Variants in TRIO observed in about 807,000 individuals in gnomAD.
TRIO encodes the protein triple functional domain protein.
A neutral mutation model predicts 351.9 loss-of-function variants in TRIO; 58 were observed. The observed-to-expected ratio is 0.16, with a 90% CI of 0.13 to 0.21. The LOEUF (loss-of-function observed/expected upper bound fraction) is 0.21. Among genes scored for constraint, TRIO ranks in the 10% least tolerant of loss-of-function variants. The pLI is 1.00. For missense variants in TRIO, 3,201 were observed against 4,027.8 expected, an observed-to-expected ratio of 0.79 and a Z score of 5.56; for synonymous variants, 1,758 against 1,595.7, an observed-to-expected ratio of 1.10 and a Z score of -2.42.
At chr5:14,359,242 A>T in intron 12 of TRIO, 115 bp from the exon 13 acceptor site, 1 of 1,290,696 alleles carries the variant, frequency 7.7e-7, no homozygotes, top group Middle Eastern at 1.9e-4. Context: ...TTTCTGAGAC[A>T]AGCAGTGCAG....
intron 1 of TRIO, among the ~76,000 whole-genome samples, chr5:14,252,913 G>C (rs967644961): frequency 8.6e-5 from 13 of 151,844 alleles, no homozygotes; most frequent in Admixed American, 2.0e-4. Flanking sequence ...AGACTGGCTT[G>C]TATACTTGGG....
At chr5:14,276,443 G>A (rs1735526831) in intron 2 of TRIO, among the ~76,000 whole-genome samples, 1 of 152,264 alleles carries the variant, frequency 6.6e-6, no homozygotes. Context: ...CTTGGCTGCT[G>A]TTAGAGCAGG....
chr5:14,293,725 G>C (rs112209734), intron 6 of TRIO, among the ~76,000 whole-genome samples: 284 of 152,284 alleles, frequency 1.9e-3, no homozygotes, highest in African/African-American at 6.5e-3. Context: ...GGTGACTGTA[G>C]GACTACATCA....
At chr5:14,272,619 G>A (rs1796039857) in intron 2 of TRIO, among the ~76,000 whole-genome samples, 1 of 37,032 alleles carries the variant, frequency 2.7e-5, no homozygotes, top group African/African-American at 1.7e-4. Context: ...TTGGTGGGGT[G>A]GGAAGTTTTG....
At chr5:14,399,269 T>C in intron 30 of TRIO, 199 bp downstream of exon 30, 1 of 576,812 alleles carries the variant, frequency 1.7e-6, no homozygotes, top group East Asian at 2.8e-5. Flanking sequence ...CTCTGGAGTT[T>C]ATAGACTTAG....
chr5:14,453,400 C>T (rs116060982), intron 34 of TRIO, among the ~76,000 whole-genome samples: 59 of 152,308 alleles, frequency 3.9e-4, no homozygotes, highest in African/African-American at 1.3e-3. Flanking sequence ...ACATCCTAGA[C>T]GCCATGTTAG....
chr5:14,329,115 C>A (rs1740673153), intron 9 of TRIO, among the ~76,000 whole-genome samples: 1 of 152,178 alleles, frequency 6.6e-6, no homozygotes, highest in South Asian at 2.1e-4. Context: ...ATGAACATGG[C>A]TGATCTCTCT....
intron 1 of TRIO, among the ~76,000 whole-genome samples, chr5:14,264,067 G>A (rs1795507668): frequency 6.6e-6 from 1 of 152,124 alleles, no homozygotes; most frequent in African/African-American, 2.4e-5. Flanking sequence ...CCATTGGTCT[G>A]TGATGCTTTT....
intron 1 of TRIO, among the ~76,000 whole-genome samples, chr5:14,157,563 G>GTC (rs1241609351): frequency 5.0e-5 from 6 of 119,032 alleles, no homozygotes; most frequent in East Asian, 2.4e-4. Flanking sequence ...CTCTCTCCCT[G>GTC]TCTCTCTCTC....
At chr5:14,161,752 C>T (rs1489079146) in intron 1 of TRIO, among the ~76,000 whole-genome samples, 2 of 152,134 alleles carry the variant, frequency 1.3e-5, no homozygotes, top group South Asian at 2.1e-4. Context: ...TTTGAGACAG[C>T]GTCTCACCCT....
At chr5:14,332,326 C>T (rs1325401595) in intron 10 of TRIO, among the ~76,000 whole-genome samples, 5 of 152,142 alleles carry the variant, frequency 3.3e-5, no homozygotes, top group African/African-American at 1.2e-4. Context: ...AAGCAGGAGA[C>T]CTTGAATTCA....
intron 21 of TRIO, among the ~76,000 whole-genome samples, chr5:14,384,802 C>T (rs1473492091): frequency 6.6e-6 from 1 of 151,860 alleles, no homozygotes; most frequent in South Asian, 2.1e-4. Flanking sequence ...AAACTTTACA[C>T]AAGACAGTCC....
At chr5:14,224,217 C>G (rs982963666) in intron 1 of TRIO, among the ~76,000 whole-genome samples, 1 of 151,888 alleles carries the variant, frequency 6.6e-6, no homozygotes, top group African/African-American at 2.4e-5. Context: ...GTATGTGAAG[C>G]GAGGACCCTA....
chr5:14,467,051 G>A (rs182473840), intron 37 of TRIO, among the ~76,000 whole-genome samples: 14 of 152,284 alleles, frequency 9.2e-5, no homozygotes, highest in South Asian at 2.1e-4. Flanking sequence ...GGAAATTGAG[G>A]CACACAGAAC....
At chr5:14,362,662 T>C (rs1202243997) in intron 13 of TRIO, among the ~76,000 whole-genome samples, 4 of 152,114 alleles carry the variant, frequency 2.6e-5, no homozygotes. Context: ...CTGATTCTGG[T>C]TCTGTTTTTG....
intron 34 of TRIO, among the ~76,000 whole-genome samples, chr5:14,453,828 A>C (rs1270554029): frequency 6.6e-6 from 1 of 152,200 alleles, no homozygotes; most frequent in East Asian, 1.9e-4. Flanking sequence ...AAAGTTAGCG[A>C]TGGGGTGAAA....
rs140289172 is a variant in TRIO at position 14,292,987 on chromosome 5, C to T, written c.1054-25C>T. Reference sequence around the variant, plus strand: ...GTAATTTCTCTTTCTGGAGTGATTGCGGGTTGTCTTTTTCCTTCCGGTAGA... The same window carrying T: ...GTAATTTCTCTTTCTGGAGTGATTGTGGGTTGTCTTTTTCCTTCCGGTAGA... On this transcript the variant is annotated intron_variant, in intron 5 of 56. Coordinates refer to ENST00000344204, the MANE Select transcript of TRIO (RefSeq NM_007118.4). The T allele has an allele frequency of 6.3e-4, 1,020 of 1,613,540 alleles. 8 individuals are homozygous for T. In the African/African-American group the frequency reaches 0.012, roughly 18 times the overall value.
At chr5:14,181,611 G>T (rs1789773073) in intron 1 of TRIO, among the ~76,000 whole-genome samples, 1 of 152,220 alleles carries the variant, frequency 6.6e-6, no homozygotes, top group African/African-American at 2.4e-5. Context: ...CACAGGACCT[G>T]TGTCTACGGT....
chr5:14,305,439 T>C (rs1484652807), intron 8 of TRIO, among the ~76,000 whole-genome samples: 3 of 152,238 alleles, frequency 2.0e-5, no homozygotes, highest in Non-Finnish European at 2.9e-5. Flanking sequence ...TTCTGTGTCC[T>C]TACTTTTCTG....
Sources: allele counts gnomAD v4.1 joint callset (sites outside exome capture counted in the v4.1 genomes callset), GRCh38; gene constraint gnomAD v4.1.1; transcripts MANE v1.5; gene names NCBI Gene and HGNC (gene_info 2026-07-23, HGNC 2026-07-21).